SRGAP2: variants seen among roughly 807,000 people sequenced by gnomAD.
The protein encoded by SRGAP2 is SLIT-ROBO Rho GTPase activating protein 2.
A neutral mutation model predicts 57.2 loss-of-function variants in SRGAP2; 15 were observed. The ratio of observed to expected loss-of-function variants is 0.26; its 90% confidence interval spans 0.18 to 0.40. The LOEUF is 0.40. SRGAP2 is among the 10% of genes least tolerant of loss of function. SRGAP2 has a pLI of 1.00. For synonymous variants in SRGAP2, 249 were observed against 248.0 expected (o/e 1.00, Z -0.04); for missense variants, 520 against 669.6 (o/e 0.78, Z 2.47).
At chr1:206,327,709 A>AT (rs1674052004) in intron 3 of SRGAP2, among the ~76,000 whole-genome samples, 1 of 111,928 alleles carries the variant, frequency 8.9e-6, no homozygotes, top group Admixed American at 9.2e-5. Flanking sequence ...ACAGTTATTC[A>AT]TTTTTGTTTA....
chr1:206,438,937 T>C (rs1662022170), intron 16 of SRGAP2, among the ~76,000 whole-genome samples: 1 of 152,232 alleles, frequency 6.6e-6, no homozygotes, highest in Admixed American at 6.5e-5. Flanking sequence ...CCAGGGCATT[T>C]GGGAAGCTGG....
At chr1:206,254,748 T>C (rs1212658410) in intron 2 of SRGAP2, among the ~76,000 whole-genome samples, 1 of 151,166 alleles carries the variant, frequency 6.6e-6, no homozygotes, top group Non-Finnish European at 1.5e-5. Context: ...TGAATTACTT[T>C]TGTGAACCTC....
chr1:206,436,431 G>A (rs1432363884), intron 14 of SRGAP2, among the ~76,000 whole-genome samples: 2 of 151,188 alleles, frequency 1.3e-5, no homozygotes, highest in Non-Finnish European at 2.9e-5. Context: ...GCTCATTGTA[G>A]CTTCTAACTT....
Position 206,446,196 on chromosome 1 carries a change from G to GAGCT in SRGAP2, c.1997_2000dup (p.Ile668AlafsTer10). On this transcript the variant is annotated frameshift_variant, in exon 18 of 23. Transcript: ENST00000573034. LOFTEE classifies it high-confidence loss of function. ...GGTGTCCTGCCAAGCCCACGTGAAT[G>GAGCT]AGCTGATCAAAACCATCATCATCCA... The GAGCT allele has an allele frequency of 1.3e-6, 1 of 780,928 alleles. No homozygotes were observed. The allele number at this position is 780,928 out of a possible 1,614,324, so 48.4% of individuals were successfully genotyped here. A position where few individuals can be genotyped will look rare whatever the true frequency, so the allele number is the denominator to read the frequency against.
intron 2 of SRGAP2, among the ~76,000 whole-genome samples, chr1:206,289,248 T>G (rs1208787955): frequency 1.4e-5 from 2 of 143,812 alleles, no homozygotes; most frequent in African/African-American, 5.3e-5. Context: ...TCTTTGAATA[T>G]TTCAATATTT....
chr1:206,367,299 C>T (rs879970093), intron 4 of SRGAP2, among the ~76,000 whole-genome samples: 11 of 151,428 alleles, frequency 7.3e-5, no homozygotes, highest in East Asian at 2.0e-4. Context: ...CCCCTATCTT[C>T]GCTCTGTAAT....
At chr1:206,256,847 C>T (rs1161967864) in intron 2 of SRGAP2, among the ~76,000 whole-genome samples, 1 of 152,082 alleles carries the variant, frequency 6.6e-6, no homozygotes. Flanking sequence ...TGCTTCCTTG[C>T]CTTTAAATTG....
chr1:206,349,523 AAAAG>A, intron 4 of SRGAP2, among the ~76,000 whole-genome samples: 1 of 150,420 alleles, frequency 6.6e-6, no homozygotes, highest in African/African-American at 2.4e-5. Flanking sequence ...AAAAAAAAAA[AAAAG>A]AGGTCCATAT....
intron 21 of SRGAP2, chr1:206,456,293 G>A (rs571058930): frequency 1.3e-5 from 2 of 152,140 alleles, no homozygotes; most frequent in African/African-American, 4.8e-5. Flanking sequence ...CTTACTCAGT[G>A]TAGTTATAAT....
intron 16 of SRGAP2, among the ~76,000 whole-genome samples, chr1:206,439,195 C>T (rs1553371061): frequency 6.6e-6 from 1 of 152,094 alleles, no homozygotes; most frequent in African/African-American, 2.4e-5. Context: ...TATAAAGGCA[C>T]TCATAGAAAA....
intron 3 of SRGAP2, among the ~76,000 whole-genome samples, chr1:206,335,575 T>C (rs1263200718): frequency 3.9e-5 from 6 of 152,156 alleles, no homozygotes; most frequent in African/African-American, 1.2e-4. Context: ...GAAAAAAGAA[T>C]GTTGATCCTG....
chr1:206,409,771 G>A (rs1659029975), intron 10 of SRGAP2, among the ~76,000 whole-genome samples: 1 of 148,216 alleles, frequency 6.7e-6, no homozygotes, highest in Non-Finnish European at 1.5e-5. Flanking sequence ...GACAGAGTAA[G>A]ACTCTGCCTA....
intron 13 of SRGAP2, among the ~76,000 whole-genome samples, chr1:206,424,872 C>T (rs1260610647): frequency 6.6e-6 from 1 of 152,212 alleles, no homozygotes; most frequent in African/African-American, 2.4e-5. Context: ...GACTCTTAGA[C>T]TCCACTGGAG....
chr1:206,286,538 G>A (rs1194842374), intron 2 of SRGAP2, among the ~76,000 whole-genome samples: 2 of 148,496 alleles, frequency 1.3e-5, no homozygotes, highest in Non-Finnish European at 3.0e-5. Flanking sequence ...GGATCAGCAG[G>A]GAACAAAGTG....
At chr1:206,307,802 C>G (rs1424891375) in intron 3 of SRGAP2, among the ~76,000 whole-genome samples, 1 of 152,018 alleles carries the variant, frequency 6.6e-6, no homozygotes, top group African/African-American at 2.4e-5. Flanking sequence ...CCGCAAGCGC[C>G]GCACGCAGCC....
chr1:206,395,976 C>T (rs1657539862), intron 7 of SRGAP2, among the ~76,000 whole-genome samples: 1 of 145,194 alleles, frequency 6.9e-6, no homozygotes, highest in Non-Finnish European at 1.5e-5. Context: ...AATAAAGTTT[C>T]TCATGTTTCT....
chr1:206,213,756 C>A (rs1553302803), intron 2 of SRGAP2, among the ~76,000 whole-genome samples: 2 of 151,886 alleles, frequency 1.3e-5, no homozygotes, highest in African/African-American at 2.4e-5. Context: ...CTCATCTCTA[C>A]AAAAATACAA....
intron 10 of SRGAP2, among the ~76,000 whole-genome samples, chr1:206,412,855 G>A (rs17045115): frequency 0.043 from 6,599 of 152,154 alleles, 293 homozygotes; most frequent in African/African-American, 0.11. Context: ...ATAAAATAAC[G>A]TGCCTGCAGA....
intron 7 of SRGAP2, among the ~76,000 whole-genome samples, chr1:206,394,038 C>CTTTTTTTT: frequency 2.0e-5 from 1 of 49,900 alleles, no homozygotes; most frequent in Non-Finnish European, 3.2e-5. Context: ...TACTTTCTTC[C>CTTTTTTTT]TTTTTTTTTT....
Sources: gnomAD v4.1 joint callset for allele counts (sites outside exome capture counted in the v4.1 genomes callset) on GRCh38, gnomAD v4.1.1 for gene constraint, MANE v1.5 for transcripts, NCBI Gene and HGNC (gene_info 2026-07-23, HGNC 2026-07-21) for gene names.